PRKD1: variants seen among roughly 807,000 people sequenced by gnomAD.
The protein encoded by PRKD1 is protein kinase D1.
A neutral mutation model predicts 95.9 loss-of-function variants in PRKD1; 63 were observed. The observed-to-expected ratio is 0.66, with a 90% CI of 0.54 to 0.81. The LOEUF (loss-of-function observed/expected upper bound fraction) is 0.81, where lower values mean the gene tolerates loss of function less well. Ranked by LOEUF, PRKD1 falls within the 30% of genes least tolerant of loss-of-function variation. PRKD1 has a pLI of 0.00. For missense variants in PRKD1, 1,048 were observed against 1,165.3 expected, an observed-to-expected ratio of 0.90 and a Z score of 1.47; for synonymous variants, 425 against 423.1, an observed-to-expected ratio of 1.00 and a Z score of -0.05.
Position 29,927,676 on chromosome 14 carries a change from A to T in PRKD1, c.-164T>A. 3 of 166,388 alleles carry T rather than the reference A, an allele frequency of 1.8e-5. No homozygotes were observed. Among genetic ancestry groups the T allele is most frequent in the Non-Finnish European group, 3.2e-5 (3 of 94,714 alleles). 10.3% of individuals were successfully genotyped at this position (166,388 alleles called of 1,614,324 possible). A position where few individuals can be genotyped will look rare whatever the true frequency, so the allele number is the denominator to read the frequency against. ...TGGGCTGGGGGAGGGCAAGGGGATG[A>T]GGATCGGGAGGGGAGGGGACTAAGG... On this transcript the variant is annotated 5_prime_UTR_variant, in exon 1 of 18. Transcript: ENST00000331968.
intron 1 of PRKD1, among the ~76,000 whole-genome samples, chr14:29,862,381 G>C (rs1892741243): frequency 6.6e-6 from 1 of 152,088 alleles, no homozygotes; most frequent in Non-Finnish European, 1.5e-5. Context: ...GAGGGGGGTG[G>C]TATTTCTGTA....
At position 29,597,702 on chromosome 14, in the gene PRKD1, C is replaced by T; in HGVS notation, c.2223G>A (p.Arg741=). 6.2e-7 allele frequency: 1 copy of T among 1,613,888 alleles called. No homozygotes were observed. Residue 741 remains arginine (R), a synonymous_variant, in exon 16 of 18, where the codon AGG becomes AGA. Coordinates refer to ENST00000331968, the MANE Select transcript of PRKD1 (RefSeq NM_002742.3). ...GGTAAGCGGGGGTACCCACCACTGACCTCCGGAAAGACTTCTCTCCAATGA... is the reference window on the plus strand; with the variant it reads ...GGTAAGCGGGGGTACCCACCACTGATCTCCGGAAAGACTTCTCTCCAATGA... ...ARIIGEKSFR[R]SVVGTPAYLA...
At chr14:29,588,416 A>G (rs912658240) in intron 16 of PRKD1, among the ~76,000 whole-genome samples, 7 of 152,178 alleles carry the variant, frequency 4.6e-5, no homozygotes, top group Admixed American at 4.6e-4. Flanking sequence ...TGGAGAAAAA[A>G]CACACTTGTG....
At chr14:29,610,235 G>T (rs1878359788) in intron 13 of PRKD1, among the ~76,000 whole-genome samples, 2 of 152,016 alleles carry the variant, frequency 1.3e-5, no homozygotes, top group Admixed American at 1.3e-4. Context: ...GCCACAGACT[G>T]GGAGAAAATA....
chr14:29,835,170 C>T (rs200654146), intron 1 of PRKD1, among the ~76,000 whole-genome samples: 11 of 151,714 alleles, frequency 7.3e-5, no homozygotes, highest in South Asian at 2.1e-4. Context: ...TGAAAAAAAA[C>T]AAATTCATTT....
chr14:29,603,801 A>G (rs1430479593), intron 13 of PRKD1, among the ~76,000 whole-genome samples: 2 of 152,226 alleles, frequency 1.3e-5, no homozygotes, highest in African/African-American at 4.8e-5. Flanking sequence ...AGAAATGCAG[A>G]TAAATTTCAT....
In PRKD1 at chr14:29,708,800, C is replaced by T. The variant is rs140538006; in HGVS notation, c.403+16736G>A. Among the ~76,000 whole-genome samples the T allele has an allele frequency of 1.2e-4, 19 of 152,144 alleles. No individual in the cohort carries two copies. In the East Asian group the frequency reaches 3.3e-3, roughly 26 times the overall value. On this transcript the variant is annotated intron_variant, in intron 2 of 17. Transcript: ENST00000331968. ...ATCACTTGAGACCAGGAGGTAGAGG[C>T]TACAGTGAGCAATGTTCACACCACT...
At chr14:29,587,754 A>T (rs910633975) in intron 16 of PRKD1, among the ~76,000 whole-genome samples, 9 of 152,228 alleles carry the variant, frequency 5.9e-5, no homozygotes, top group African/African-American at 2.2e-4. Context: ...CTACTGGTAG[A>T]TATTTTTCAA....
intron 1 of PRKD1, among the ~76,000 whole-genome samples, chr14:29,824,471 C>T (rs1478800711): frequency 2.0e-5 from 3 of 152,106 alleles, no homozygotes; most frequent in Admixed American, 6.6e-5. Context: ...CAGCATAGTG[C>T]CCTCTTTCCT....
At chr14:29,608,440 C>G (rs568753196) in intron 13 of PRKD1, among the ~76,000 whole-genome samples, 42 of 151,818 alleles carry the variant, frequency 2.8e-4, no homozygotes, top group African/African-American at 1.0e-3. Context: ...TATTCTTATG[C>G]TGATATATAA....
At chr14:29,709,815 T>A (rs931214070) in intron 2 of PRKD1, among the ~76,000 whole-genome samples, 1 of 152,152 alleles carries the variant, frequency 6.6e-6, no homozygotes, top group African/African-American at 2.4e-5. Context: ...ATCTACTTTA[T>A]TCCATCTACC....
At chr14:29,863,507 T>C (rs1031439185) in intron 1 of PRKD1, among the ~76,000 whole-genome samples, 10 of 152,188 alleles carry the variant, frequency 6.6e-5, no homozygotes, top group African/African-American at 2.4e-4. Flanking sequence ...CACTCTACTT[T>C]GTTTAAAACA....
At chr14:29,796,413 G>A (rs1230643564) in intron 1 of PRKD1, among the ~76,000 whole-genome samples, 1 of 152,030 alleles carries the variant, frequency 6.6e-6, no homozygotes, top group Non-Finnish European at 1.5e-5. Flanking sequence ...AATTTTTGAT[G>A]TAGACCTAAA....
chr14:29,869,707 C>T (rs1216148860), intron 1 of PRKD1, among the ~76,000 whole-genome samples: 1 of 152,088 alleles, frequency 6.6e-6, no homozygotes, highest in African/African-American at 2.4e-5. Flanking sequence ...CTATGGTCCC[C>T]CAGTCTTTTT....
chr14:29,579,208 C>T (rs11624955), intron 16 of PRKD1, among the ~76,000 whole-genome samples: 6,983 of 151,804 alleles, frequency 0.046, 181 homozygotes, highest in Admixed American at 0.065. Flanking sequence ...CTTTTCTGGA[C>T]ATTATATTTT....
chr14:29,682,110 A>G (rs939775332), intron 2 of PRKD1, among the ~76,000 whole-genome samples: 5 of 152,236 alleles, frequency 3.3e-5, no homozygotes, highest in South Asian at 2.1e-4. Flanking sequence ...ACTGAATCAT[A>G]AAGTGTATGT....
chr14:29,729,241 A>G lies in PRKD1; in HGVS notation c.265-3567T>C, dbSNP rs537415965. Among the ~76,000 whole-genome samples, 8 of 152,244 alleles carry G rather than the reference A, an allele frequency of 5.3e-5. No individual in the cohort carries two copies. The South Asian group carries it at 1.0e-3, about 20-fold the overall frequency. ...TTGGCATATTCTGGAAGATTTGTAC[A>G]GACTTGGTATTATATCTTCCTTAAA... On this transcript the variant is annotated intron_variant, in intron 1 of 17. Coordinates refer to ENST00000331968, the MANE Select transcript of PRKD1 (RefSeq NM_002742.3).
chr14:29,750,703 G>T (rs1887442805), intron 1 of PRKD1, among the ~76,000 whole-genome samples: 1 of 152,070 alleles, frequency 6.6e-6, no homozygotes, highest in African/African-American at 2.4e-5. Flanking sequence ...TCTTTGGGAT[G>T]TGGGAGGAAA....
intron 1 of PRKD1, among the ~76,000 whole-genome samples, chr14:29,816,045 C>T (rs966093139): frequency 2.0e-5 from 3 of 152,026 alleles, no homozygotes; most frequent in Non-Finnish European, 4.4e-5. Flanking sequence ...TGGTGAAACC[C>T]CATCTCTACT....
Sources: allele counts gnomAD v4.1 joint callset (sites outside exome capture counted in the v4.1 genomes callset), GRCh38; gene constraint gnomAD v4.1.1; transcripts MANE v1.5; gene names NCBI Gene and HGNC (gene_info 2026-07-23, HGNC 2026-07-21).